Variants in LPAR6 observed in about 807,000 individuals in gnomAD.
LPAR6 encodes the protein G-protein coupled purinergic receptor P2Y5.
Under a neutral mutation model 22.0 loss-of-function variants are expected in LPAR6, and 17 were observed. That is an observed-to-expected ratio of 0.77 (90% CI 0.53 to 1.16). The LOEUF (loss-of-function observed/expected upper bound fraction) is 1.16, where lower values mean the gene tolerates loss of function less well. LPAR6 is among the 50% of genes most tolerant of loss of function. The pLI is 0.00. For missense variants in LPAR6, 384 were observed against 406.9 expected, an observed-to-expected ratio of 0.94 and a Z score of 0.48; for synonymous variants, 136 against 139.8, an observed-to-expected ratio of 0.97 and a Z score of 0.19.
chr13:48,443,909 ACTCT>A (rs1949262387), intron 1 of LPAR6, among the ~76,000 whole-genome samples: 1 of 151,734 alleles, frequency 6.6e-6, no homozygotes, highest in African/African-American at 2.4e-5. Flanking sequence ...GTAGGAAAAA[ACTCT>A]CTCAAACCAT....
chr13:48,434,945 A>G (rs959943631), intron 1 of LPAR6, among the ~76,000 whole-genome samples: 1 of 152,200 alleles, frequency 6.6e-6, no homozygotes, highest in African/African-American at 2.4e-5. Context: ...AATGTACTAC[A>G]GTTTCTTTGG....
chr13:48,436,934 A>G (rs1949190559), intron 1 of LPAR6, among the ~76,000 whole-genome samples: 1 of 152,150 alleles, frequency 6.6e-6, no homozygotes, highest in Non-Finnish European at 1.5e-5. Context: ...TCTATTGTTA[A>G]TTTTTCTACT....
upstream of LPAR6, among the ~76,000 whole-genome samples, chr13:48,414,437 A>G (rs908471311): frequency 1.8e-4 from 27 of 151,950 alleles, no homozygotes; most frequent in African/African-American, 5.5e-4. Flanking sequence ...TGTAGGTGTT[A>G]TTTCCTCAAA....
Position 48,412,372 on chromosome 13 carries a change from T to G in LPAR6, c.52A>C (p.Thr18Pro). ...HCFYNDSFKY[T>P]LYGCMFSMVF... ...ATGCTGAACATGCACCCATACAAAG[T>G]GTACTTAAAGGAGTCATTATAGAAG... The change falls in exon 1 of 1, where the codon ACT (threonine) becomes CCT (proline). Residue 18 changes from threonine (T) to proline (P), a missense_variant. Transcript: ENST00000620633. 6.2e-7 allele frequency: 1 copy of G among 1,613,936 alleles called. No individual in the cohort carries two copies. The highest frequency in any genetic ancestry group is 8.5e-7 in the Non-Finnish European group (1 of 1,179,892).
intron 1 of LPAR6, among the ~76,000 whole-genome samples, chr13:48,444,178 C>A (rs1949265048): frequency 1.3e-5 from 2 of 152,102 alleles, no homozygotes; most frequent in African/African-American, 4.8e-5. Context: ...TTGGGGTTCT[C>A]ACACCACACT....
At chr13:48,409,498 C>G (rs1389834797), downstream of LPAR6, among the ~76,000 whole-genome samples, 1 of 149,664 alleles carries the variant, frequency 6.7e-6, no homozygotes, top group African/African-American at 2.5e-5. Flanking sequence ...AGGTTGGATG[C>G]TGAATTTAAT....
At chr13:48,417,838 A>G (rs1230138198), upstream of LPAR6, among the ~76,000 whole-genome samples, 1 of 152,228 alleles carries the variant, frequency 6.6e-6, no homozygotes, top group African/African-American at 2.4e-5. Flanking sequence ...AAAAAGAATG[A>G]AAAGAAACGA....
intron 1 of LPAR6, among the ~76,000 whole-genome samples, chr13:48,399,446 T>C (rs1677923263): frequency 6.6e-6 from 1 of 152,040 alleles, no homozygotes; most frequent in African/African-American, 2.4e-5. Flanking sequence ...AAAAAGATAG[T>C]AATTTAACTC....
rs747124622 is a variant in LPAR6, at chr13:48,411,399, G to C, written c.1025C>G (p.Ser342Cys). ...TLKSKIFDNESAA is the reference protein window; with the variant it reads ...TLKSKIFDNECAA ...CCTAATGGTTTTATTTCAGGCAGCAGATTCATTGTCAAATATCTTACTTTT... is the reference window on the plus strand; with the variant it reads ...CCTAATGGTTTTATTTCAGGCAGCACATTCATTGTCAAATATCTTACTTTT... Residue 342 changes from serine to cysteine, a missense_variant, in exon 1 of 1, where the codon TCT (serine) becomes TGT (cysteine). Ser to Cys is a moderately radical substitution (Grantham distance 112, BLOSUM62 -1). Coordinates refer to ENST00000620633, the MANE Select transcript of LPAR6 (RefSeq NM_001162498.3). 19 of 1,610,756 alleles carry C rather than the reference G, an allele frequency of 1.2e-5. No individual in the cohort carries two copies. Among genetic ancestry groups the C allele is most frequent in the East Asian group, 2.2e-5 (1 of 44,810 alleles).
At chr13:48,431,046 G>T (rs1168882219), upstream of LPAR6, among the ~76,000 whole-genome samples, 1 of 152,172 alleles carries the variant, frequency 6.6e-6, no homozygotes, top group East Asian at 1.9e-4. Flanking sequence ...AAAGTGGAAT[G>T]AAAACATCAG....
intron 1 of LPAR6, among the ~76,000 whole-genome samples, chr13:48,438,658 T>A (rs949095142): frequency 6.6e-6 from 1 of 152,196 alleles, no homozygotes; most frequent in Non-Finnish European, 1.5e-5. Flanking sequence ...CACTTATTCA[T>A]GTGACTGGAC....
chr13:48,396,691 A>G (rs1196988219), intron 1 of LPAR6, among the ~76,000 whole-genome samples: 2 of 152,226 alleles, frequency 1.3e-5, no homozygotes, highest in East Asian at 3.8e-4. Context: ...AAAAGAAACT[A>G]TCTTCAGAGT....
At chr13:48,442,999 A>G (rs899960287) in intron 1 of LPAR6, among the ~76,000 whole-genome samples, 132 of 152,224 alleles carry the variant, frequency 8.7e-4, no homozygotes, top group African/African-American at 3.1e-3. Flanking sequence ...TTTGACCAAG[A>G]TATCAATTAA....
chr13:48,443,433 C>CA (rs143646124), intron 1 of LPAR6, among the ~76,000 whole-genome samples: 1 of 151,922 alleles, frequency 6.6e-6, no homozygotes, highest in East Asian at 1.9e-4. Flanking sequence ...ATTCCACACT[C>CA]AAAAAATATT....
intron 1 of LPAR6, among the ~76,000 whole-genome samples, chr13:48,403,048 CAAT>C (rs1159826822): frequency 1.4e-4 from 21 of 151,798 alleles, no homozygotes; most frequent in Non-Finnish European, 3.1e-4. Context: ...TATGAGCTAA[CAAT>C]AATTGGTAAA....
At chr13:48,401,575 T>C (rs1948692018) in intron 1 of LPAR6, among the ~76,000 whole-genome samples, 1 of 152,194 alleles carries the variant, frequency 6.6e-6, no homozygotes, top group Admixed American at 6.5e-5. Flanking sequence ...TTTTAAAAAC[T>C]CTGAACTGTC....
chr13:48,429,127 T>C (rs996901826), upstream of LPAR6: 1 of 152,202 alleles, frequency 6.6e-6, no homozygotes. Context: ...TGTAATGTTA[T>C]AAAATGGAAG....
intron 1 of LPAR6, among the ~76,000 whole-genome samples, chr13:48,396,536 T>TA (rs1431421370): frequency 6.6e-6 from 1 of 151,972 alleles, no homozygotes; most frequent in Non-Finnish European, 1.5e-5. Flanking sequence ...CCTAAAACCA[T>TA]AAAAACCCTA....
intron 1 of LPAR6, among the ~76,000 whole-genome samples, chr13:48,392,717 T>C (rs1259276571): frequency 6.6e-6 from 1 of 150,412 alleles, no homozygotes; most frequent in African/African-American, 2.4e-5. Context: ...CTAGTACCTA[T>C]GTCTTTTTAG....
Sources: gnomAD v4.1 joint callset for allele counts (sites outside exome capture counted in the v4.1 genomes callset) on GRCh38, gnomAD v4.1.1 for gene constraint, MANE v1.5 for transcripts, NCBI Gene and HGNC (gene_info 2026-07-23, HGNC 2026-07-21) for gene names.